Variants in ADAMTSL1 observed in about 807,000 individuals in gnomAD.
ADAMTSL1 encodes ADAMTS like 1, also known as ADAMTS-like protein 1.
Under a neutral mutation model 201.8 loss-of-function variants are expected in ADAMTSL1, and 126 were observed. The ratio of observed to expected loss-of-function variants is 0.62; its 90% CI spans 0.54 to 0.72. The LOEUF (loss-of-function observed/expected upper bound fraction) is 0.72. ADAMTSL1 is among the 30% of genes least tolerant of loss of function. The pLI, the probability that ADAMTSL1 is intolerant of heterozygous loss-of-function variation, is 0.00. For synonymous variants in ADAMTSL1, 1,121 were observed against 903.4 expected, an observed-to-expected ratio of 1.24 and a Z score of -4.32; for missense variants, 2,679 against 2,277.8, an observed-to-expected ratio of 1.18 and a Z score of -3.59.
chr9:18,436,530 C>T (rs181217175), intron 2 of ADAMTSL1, among the ~76,000 whole-genome samples: 352 of 152,316 alleles, frequency 2.3e-3, no homozygotes, highest in Non-Finnish European at 4.0e-3. Flanking sequence ...AGACAAGCTC[C>T]TTCAAACAGT....
chr9:17,952,719 G>T (rs1827775487), intron 1 of ADAMTSL1, among the ~76,000 whole-genome samples: 1 of 152,048 alleles, frequency 6.6e-6, no homozygotes, highest in Non-Finnish European at 1.5e-5. Flanking sequence ...TAGAGGCGGG[G>T]TTTCACCACG....
At position 18,487,024 on chromosome 9, in the gene ADAMTSL1, G is replaced by A. The variant is rs553764142; in HGVS notation, c.63+12729G>A. 3.3e-5 allele frequency among the ~76,000 whole-genome samples: 5 copies of A among 152,256 alleles called. No homozygotes were observed. In the East Asian group the frequency reaches 9.7e-4, roughly 29 times the overall value. ...GTTCCCTTTGAAAACAGCTAAAAAT[G>A]CCGGTAAAAGATGTAGCATTAATGG... On this transcript the variant is annotated intron_variant, in intron 1 of 28. Transcript: ENST00000380548.
chr9:18,629,628 T>C lies in ADAMTSL1; in HGVS notation c.602-6315T>C, dbSNP rs558091723. 2.0e-5 allele frequency among the ~76,000 whole-genome samples: 3 copies of C among 152,296 alleles called. 1 individual carries two copies. In the South Asian group the frequency reaches 6.2e-4, roughly 32 times the overall value. Reference sequence around the variant, plus strand: ...GTGTATTATTCTTTATATAGATTTCTAGTTTGATTCGGCAGTATTTTGTTG... The same window carrying C: ...GTGTATTATTCTTTATATAGATTTCCAGTTTGATTCGGCAGTATTTTGTTG... On this transcript the variant is annotated intron_variant, in intron 5 of 28. Coordinates refer to ENST00000380548, the MANE Select transcript of ADAMTSL1 (RefSeq NM_001040272.6).
intron 3 of ADAMTSL1, among the ~76,000 whole-genome samples, chr9:18,548,943 T>C (rs752011196): frequency 5.3e-5 from 8 of 151,834 alleles, no homozygotes; most frequent in Non-Finnish European, 1.0e-4. Flanking sequence ...TTAGAAACTT[T>C]ACCCAAAATA....
At chr9:18,127,108 G>A (rs1825762815) in intron 1 of ADAMTSL1, among the ~76,000 whole-genome samples, 1 of 152,132 alleles carries the variant, frequency 6.6e-6, no homozygotes, top group Non-Finnish European at 1.5e-5. Context: ...TTAATGGTGT[G>A]TGACATATGG....
At chr9:18,482,627 A>G (rs1354840908) in intron 1 of ADAMTSL1, among the ~76,000 whole-genome samples, 1 of 152,256 alleles carries the variant, frequency 6.6e-6, no homozygotes, top group African/African-American at 2.4e-5. Context: ...AAACTGTCCA[A>G]TAAAATAAAT....
intron 2 of ADAMTSL1, among the ~76,000 whole-genome samples, chr9:18,247,946 C>A (rs1255567739): frequency 6.6e-6 from 1 of 152,070 alleles, no homozygotes; most frequent in South Asian, 2.1e-4. Flanking sequence ...ATGGCTTGAT[C>A]TGTCAGCCTA....
chr9:18,769,140 T>A (rs10963750), intron 16 of ADAMTSL1, among the ~76,000 whole-genome samples: 21,847 of 152,098 alleles, frequency 0.14, 2,177 homozygotes, highest in East Asian at 0.3. Flanking sequence ...GCTGCAGCTA[T>A]GTTCTGACTG....
intron 1 of ADAMTSL1, among the ~76,000 whole-genome samples, chr9:17,929,415 AT>A (rs1826688954): frequency 6.6e-6 from 1 of 151,818 alleles, no homozygotes; most frequent in African/African-American, 2.4e-5. Context: ...TGGGGGCATT[AT>A]TGCCCCCATT....
chr9:18,719,414 C>T (rs1159912833), intron 14 of ADAMTSL1, among the ~76,000 whole-genome samples: 4 of 152,050 alleles, frequency 2.6e-5, no homozygotes, highest in African/African-American at 9.7e-5. Flanking sequence ...ATGGTGTGAT[C>T]TCAGCTCACT....
At chr9:17,999,100 G>A (rs964280276) in intron 1 of ADAMTSL1, among the ~76,000 whole-genome samples, 2 of 151,920 alleles carry the variant, frequency 1.3e-5, no homozygotes, top group Admixed American at 6.6e-5. Flanking sequence ...ATAATAACAT[G>A]AACTGAATAC....
chr9:18,241,543 C>G (rs1831062133), intron 2 of ADAMTSL1, among the ~76,000 whole-genome samples: 1 of 151,874 alleles, frequency 6.6e-6, no homozygotes, highest in South Asian at 2.1e-4. Context: ...TGTGTTTCTT[C>G]TCTCTTTAAA....
chr9:17,997,627 GA>G (rs1819437353), intron 1 of ADAMTSL1, among the ~76,000 whole-genome samples: 1 of 151,838 alleles, frequency 6.6e-6, no homozygotes, highest in African/African-American at 2.4e-5. Flanking sequence ...CTGTTTCATT[GA>G]CCTTTGTGAA....
chr9:18,683,147 G>C (rs1306417190), intron 12 of ADAMTSL1, among the ~76,000 whole-genome samples: 1 of 152,124 alleles, frequency 6.6e-6, no homozygotes, highest in East Asian at 1.9e-4. Flanking sequence ...CTTACTATGA[G>C]TGCCAAACTG....
intron 23 of ADAMTSL1, among the ~76,000 whole-genome samples, chr9:18,884,433 T>TGATTTTTTCATTTGTTGCCTA (rs1828728362): frequency 6.6e-6 from 1 of 152,210 alleles, no homozygotes. Context: ...GGAATCCACT[T>TGATTTTTTCATTTGTTGCCTA]TATTTTTTCA....
chr9:18,242,051 A>G (rs1009850719), intron 2 of ADAMTSL1, among the ~76,000 whole-genome samples: 3 of 152,140 alleles, frequency 2.0e-5, no homozygotes, highest in African/African-American at 7.2e-5. Flanking sequence ...AGACAAAGAC[A>G]TCACAAGAAA....
chr9:17,922,878 C>G (rs186483090), intron 1 of ADAMTSL1, among the ~76,000 whole-genome samples: 3 of 152,316 alleles, frequency 2.0e-5, no homozygotes, highest in East Asian at 1.9e-4. Context: ...AGCCTCAGCT[C>G]TCAGTCACTC....
intron 2 of ADAMTSL1, among the ~76,000 whole-genome samples, chr9:18,309,358 AAGAAAGTGTATTCAGAT>A (rs1206253643): frequency 6.6e-6 from 1 of 152,158 alleles, no homozygotes; most frequent in African/African-American, 2.4e-5. Context: ...AAGAGAAAGA[AAGAAAGTGTATTCAGAT>A]AGGAAGAGAG....
chr9:18,056,644 A>G (rs891834705), intron 1 of ADAMTSL1, among the ~76,000 whole-genome samples: 2 of 152,222 alleles, frequency 1.3e-5, no homozygotes, highest in African/African-American at 2.4e-5. Flanking sequence ...ACAAATCTCA[A>G]CATGGCAAGC....
Sources: gnomAD v4.1 joint callset for allele counts (sites outside exome capture counted in the v4.1 genomes callset) on GRCh38, gnomAD v4.1.1 for gene constraint, MANE v1.5 for transcripts, NCBI Gene and HGNC (gene_info 2026-07-23, HGNC 2026-07-21) for gene names.